Variants in NFIA observed in about 807,000 individuals in gnomAD.
NFIA encodes the protein nuclear factor 1 A-type.
In NFIA, 8 loss-of-function variants were observed where a neutral mutation model predicts 62.8. That is an observed-to-expected ratio of 0.13 (90% CI 0.07 to 0.23). The LOEUF is 0.23. NFIA is among the 10% of genes least tolerant of loss of function. The pLI, the probability that NFIA is intolerant of heterozygous loss-of-function variation, is 1.00. For missense variants in NFIA, 410 were observed against 642.1 expected (o/e 0.64, Z 3.91); for synonymous variants, 235 against 238.1 (o/e 0.99, Z 0.12).
At chr1:61,221,197 A>G (rs1653994408) in intron 2 of NFIA, among the ~76,000 whole-genome samples, 1 of 152,074 alleles carries the variant, frequency 6.6e-6, no homozygotes, top group African/African-American at 2.4e-5. Context: ...AGTTGTTTGA[A>G]GAGTGTATGT....
intron 2 of NFIA, among the ~76,000 whole-genome samples, chr1:61,192,789 C>T (rs1221307461): frequency 1.3e-5 from 2 of 151,954 alleles, no homozygotes; most frequent in East Asian, 1.9e-4. Context: ...CTGTAAGTGC[C>T]GAAGCACCAA....
chr1:61,439,200 G>C (rs1405895519), intron 10 of NFIA, among the ~76,000 whole-genome samples: 1 of 151,696 alleles, frequency 6.6e-6, no homozygotes, highest in East Asian at 1.9e-4. Context: ...TGGTGTATCA[G>C]ATTAGTCTGC....
intron 10 of NFIA, among the ~76,000 whole-genome samples, chr1:61,448,695 A>G (rs1667933315): frequency 6.6e-6 from 1 of 152,216 alleles, no homozygotes; most frequent in African/African-American, 2.4e-5. Flanking sequence ...TCTTACGGCT[A>G]TGCACACAGC....
At chr1:61,394,777 A>T (rs1334372281) in intron 7 of NFIA, among the ~76,000 whole-genome samples, 1 of 152,198 alleles carries the variant, frequency 6.6e-6, no homozygotes, top group Non-Finnish European at 1.5e-5. Context: ...CTATGGGGTG[A>T]ATTCAGGAAG....
At chr1:61,348,122 A>G (rs901900100) in intron 4 of NFIA, among the ~76,000 whole-genome samples, 2 of 152,234 alleles carry the variant, frequency 1.3e-5, no homozygotes, top group Admixed American at 6.5e-5. Context: ...GATTAGAGGT[A>G]CTGAGAATAC....
intron 2 of NFIA, among the ~76,000 whole-genome samples, chr1:61,092,472 C>T (rs1016367499): frequency 2.0e-5 from 3 of 152,112 alleles, no homozygotes; most frequent in African/African-American, 7.2e-5. Context: ...ATTTTGCTTG[C>T]ATCAGGAATA....
intron 6 of NFIA, among the ~76,000 whole-genome samples, chr1:61,377,222 C>CAA (rs112943071): frequency 6.7e-6 from 1 of 150,262 alleles, no homozygotes; most frequent in African/African-American, 2.5e-5. Flanking sequence ...GACTCCATCT[C>CAA]AAAAAAAAGA....
At chr1:61,286,942 G>A (rs1453704362) in intron 3 of NFIA, among the ~76,000 whole-genome samples, 2 of 152,158 alleles carry the variant, frequency 1.3e-5, no homozygotes, top group Non-Finnish European at 2.9e-5. Flanking sequence ...GAGACATGCT[G>A]GAAGAACACT....
chr1:61,264,123 G>C (rs1336993804), intron 2 of NFIA, among the ~76,000 whole-genome samples: 1 of 152,182 alleles, frequency 6.6e-6, no homozygotes, highest in African/African-American at 2.4e-5. Context: ...TTGAGGCCCT[G>C]ACATAAACAA....
chr1:61,231,070 A>G (rs939496704), intron 2 of NFIA, among the ~76,000 whole-genome samples: 4 of 152,236 alleles, frequency 2.6e-5, no homozygotes, highest in African/African-American at 4.8e-5. Flanking sequence ...GACCCCCACT[A>G]GAGTGTAAAG....
chr1:61,193,027 TA>T (rs1651750853), intron 2 of NFIA, among the ~76,000 whole-genome samples: 1 of 152,212 alleles, frequency 6.6e-6, no homozygotes, highest in Non-Finnish European at 1.5e-5. Flanking sequence ...CTCAGATTCT[TA>T]AACTCCTCTG....
Position 61,209,135 on chromosome 1 carries a change from C to T in NFIA, c.560-68385C>T, listed in dbSNP as rs77431404. Among the ~76,000 whole-genome samples, 348 of 151,838 alleles carry T rather than the reference C, an allele frequency of 2.3e-3. 3 individuals are homozygous for T. The highest frequency in any genetic ancestry group is 8.0e-3 in the African/African-American group (333 of 41,442). On this transcript the variant is annotated intron_variant, in intron 2 of 10. Coordinates refer to ENST00000403491, the MANE Select transcript of NFIA (RefSeq NM_001134673.4). ...ACAAGAGTTTTGTTTTTTTTTTCCCCTGTCAGATATTGGTCTTTTGTATTC... is the reference window on the plus strand; with the variant it reads ...ACAAGAGTTTTGTTTTTTTTTTCCCTTGTCAGATATTGGTCTTTTGTATTC...
intron 2 of NFIA, among the ~76,000 whole-genome samples, chr1:61,181,399 C>T (rs1650752612): frequency 6.6e-6 from 1 of 152,172 alleles, no homozygotes; most frequent in Non-Finnish European, 1.5e-5. Context: ...TAAGCCTTTC[C>T]TAGTAAAGGG....
intron 6 of NFIA, among the ~76,000 whole-genome samples, chr1:61,363,435 T>C (rs1416168590): frequency 9.2e-5 from 14 of 152,002 alleles, no homozygotes. Flanking sequence ...AGAAACCCCA[T>C]CTCTACTAAA....
At chr1:61,420,043 A>G (rs1040830396) in intron 9 of NFIA, among the ~76,000 whole-genome samples, 12 of 152,238 alleles carry the variant, frequency 7.9e-5, no homozygotes, top group African/African-American at 2.4e-4. Context: ...GATAAAAACT[A>G]CAACATCCAT....
Position 61,455,198 on chromosome 1 carries a change from C to T in NFIA, c.1513-105C>T, listed in dbSNP as rs1049162555. The T allele has an allele frequency of 4.4e-6, 5 of 1,148,092 alleles. No homozygotes were observed. The South Asian group carries it at 5.3e-5, about 12-fold the overall frequency. The allele number at this position is 1,148,092 out of a possible 1,614,324, so 71.1% of individuals were successfully genotyped here. A position where few individuals can be genotyped will look rare whatever the true frequency, so the allele number is the denominator to read the frequency against. ...TTTACTTTTCCCAGCGAATCCCTCC[C>T]GCATCCCTAACGTAGATCCTGATTT... On this transcript the variant is annotated intron_variant, in intron 10 of 10. Transcript: ENST00000403491.
chr1:61,393,171 A>G (rs1442850331), intron 7 of NFIA, among the ~76,000 whole-genome samples: 2 of 136,392 alleles, frequency 1.5e-5, no homozygotes, highest in African/African-American at 6.5e-5. Context: ...TTTTTTCAGC[A>G]TAGAATAAAA....
Position 61,456,462 on chromosome 1 carries a change from T to A in NFIA, c.*1142T>A, listed in dbSNP as rs1402087203. ...AATGCTAATTAATTATTTTCTGTTA[T>A]CAAAGCACATGACTAAAATGAAATC... On this transcript the variant is annotated 3_prime_UTR_variant, in exon 11 of 11. Coordinates refer to ENST00000403491, the MANE Select transcript of NFIA (RefSeq NM_001134673.4). The A allele has an allele frequency of 6.6e-6, 1 of 152,162 alleles. No individual in the cohort carries two copies. Among genetic ancestry groups the A allele is most frequent in the Non-Finnish European group, 1.5e-5 (1 of 67,932 alleles). 9.4% of individuals were successfully genotyped at this position (152,162 alleles called of 1,614,324 possible).
chr1:61,149,598 T>G (rs1648258781), intron 2 of NFIA, among the ~76,000 whole-genome samples: 1 of 152,212 alleles, frequency 6.6e-6, no homozygotes, highest in African/African-American at 2.4e-5. Flanking sequence ...TAAGCCAGTG[T>G]GGAAACAGCA....
Sources: allele counts gnomAD v4.1 joint callset (sites outside exome capture counted in the v4.1 genomes callset), GRCh38; gene constraint gnomAD v4.1.1; transcripts MANE v1.5; gene names NCBI Gene and HGNC (gene_info 2026-07-23, HGNC 2026-07-21).